Variants in AP5M1 observed in about 807,000 individuals in gnomAD.
AP5M1 encodes the protein AP-5 complex subunit mu-1.
AP5M1 carries 44 observed loss-of-function variants against 52.3 expected under a neutral mutation model. That is an observed-to-expected ratio of 0.84 (90% CI 0.66 to 1.08). The LOEUF (loss-of-function observed/expected upper bound fraction) is 1.08. Among genes scored for constraint, AP5M1 ranks in the 50% least tolerant of loss-of-function variants. The pLI is 0.00. For synonymous variants in AP5M1, 213 were observed against 199.0 expected, an observed-to-expected ratio of 1.07 and a Z score of -0.59; for missense variants, 526 against 568.4, an observed-to-expected ratio of 0.93 and a Z score of 0.76.
rs1031371789 is a variant in AP5M1, at chr14:57,297,565, T to G, written c.*8681T>G. On this transcript the variant is annotated 3_prime_UTR_variant, in exon 8 of 8. Transcript: ENST00000261558. ...GGAAAACATTCTTAGCCTTGTTTAT[T>G]TTGAATGTATGTGTGTGTGTGTGCA... 8 of 152,074 alleles carry G rather than the reference T, an allele frequency of 5.3e-5. No homozygotes were observed. The highest frequency in any genetic ancestry group is 1.9e-4 in the African/African-American group (8 of 41,388). 9.4% of individuals were successfully genotyped at this position (152,074 alleles called of 1,614,324 possible). A position where few individuals can be genotyped will look rare whatever the true frequency, so the allele number is the denominator to read the frequency against.
At chr14:57,288,289 G>T (rs1594709056) in intron 7 of AP5M1, among the ~76,000 whole-genome samples, 1 of 151,772 alleles carries the variant, frequency 6.6e-6, no homozygotes, top group Admixed American at 6.6e-5. Context: ...TGCCATTTTT[G>T]TAGAGTTTCA....
chr14:57,282,832 T>C (rs1885215459), intron 4 of AP5M1, 102 bp from the exon 5 acceptor site: 2 of 661,704 alleles, frequency 3.0e-6, no homozygotes, highest in Admixed American at 5.9e-5. Context: ...GATCTGCTTT[T>C]ATGCTGTCCT....
At chr14:57,275,048 T>G in intron 2 of AP5M1, 159 bp downstream of exon 2, 1 of 730,776 alleles carries the variant, frequency 1.4e-6, no homozygotes, top group Non-Finnish European at 2.2e-6. Context: ...CTTTTTGCAT[T>G]CCTTACCAAT....
At chr14:57,278,133 C>G (rs1160409038) in intron 2 of AP5M1, among the ~76,000 whole-genome samples, 1 of 152,106 alleles carries the variant, frequency 6.6e-6, no homozygotes, top group Non-Finnish European at 1.5e-5. Context: ...TACACAAATA[C>G]AAGTAAAGTA....
intron 2 of AP5M1, chr14:57,278,382 GA>G (rs1334789586): frequency 6.6e-6 from 1 of 152,204 alleles, no homozygotes; most frequent in African/African-American, 2.4e-5. Context: ...CCTCACAGTG[GA>G]AATTCAAGGA....
At position 57,294,832 on chromosome 14, in the gene AP5M1, C is replaced by T; in HGVS notation, c.*5948C>T. The stretch of plus-strand genomic sequence containing the variant: ...GAGTAAGCCTTGCTTTTTCAACATG[C>T]ATCATGTAAAATTACATGAAAGAAA... On this transcript the variant is annotated 3_prime_UTR_variant, in exon 8 of 8. Transcript: ENST00000261558. The T allele has an allele frequency of 6.6e-6, 1 of 151,906 alleles. No individual in the cohort carries two copies. The highest frequency in any genetic ancestry group is 1.9e-4 in the East Asian group (1 of 5,194). 9.4% of individuals were successfully genotyped at this position (151,906 alleles called of 1,614,324 possible). A position where few individuals can be genotyped will look rare whatever the true frequency, so the allele number is the denominator to read the frequency against.
chr14:57,270,193 CA>C (rs1160853337), intron 1 of AP5M1, among the ~76,000 whole-genome samples: 1 of 152,028 alleles, frequency 6.6e-6, no homozygotes, highest in Non-Finnish European at 1.5e-5. Flanking sequence ...AATAGAAACA[CA>C]AAAAAATGTA....
intron 6 of AP5M1, among the ~76,000 whole-genome samples, chr14:57,285,644 C>T (rs1594707313): frequency 6.6e-6 from 1 of 152,158 alleles, no homozygotes; most frequent in Admixed American, 6.5e-5. Context: ...GGAAAATTAG[C>T]GCAGCTCATT....
chr14:57,277,451 AT>A (rs1204352046), intron 2 of AP5M1, among the ~76,000 whole-genome samples: 3 of 152,154 alleles, frequency 2.0e-5, no homozygotes, highest in Non-Finnish European at 4.4e-5. Context: ...ACTACTTTTC[AT>A]TTATTCTTAT....
At chr14:57,283,634 G>A (rs1349743541) in intron 6 of AP5M1, among the ~76,000 whole-genome samples, 1 of 152,014 alleles carries the variant, frequency 6.6e-6, no homozygotes, top group East Asian at 1.9e-4. Flanking sequence ...GTTTTTAAAC[G>A]GAACCAGCTA....
In AP5M1 at chr14:57,269,285, G is replaced by T; in HGVS notation, c.-30G>T. On this transcript the variant is annotated 5_prime_UTR_variant, in exon 1 of 8. An upstream start codon of the reference 5' UTR is lost. Coordinates refer to ENST00000261558, the MANE Select transcript of AP5M1 (RefSeq NM_018229.4). Reference sequence around the variant, plus strand: ...GTTCCTCGGTGGCGACCTTAATTATGAGATGAGCTAATGCTTTACTGACTT... The same window carrying T: ...GTTCCTCGGTGGCGACCTTAATTATTAGATGAGCTAATGCTTTACTGACTT... 1 of 1,610,884 alleles carries T rather than the reference G, an allele frequency of 6.2e-7. No homozygotes were observed. The highest frequency in any genetic ancestry group is 8.5e-7 in the Non-Finnish European group (1 of 1,177,736).
intron 1 of AP5M1, among the ~76,000 whole-genome samples, chr14:57,272,322 G>A (rs1283382242): frequency 6.6e-6 from 1 of 152,140 alleles, no homozygotes; most frequent in Non-Finnish European, 1.5e-5. Context: ...CTTTATAAGT[G>A]TCAATAAGTG....
chr14:57,282,487 G>A (rs1189902), intron 4 of AP5M1, among the ~76,000 whole-genome samples: 28,729 of 151,942 alleles, frequency 0.19, 6,057 homozygotes, highest in African/African-American at 0.53. Flanking sequence ...TTTTTCTACC[G>A]GATTTATTTC....
intron 6 of AP5M1, among the ~76,000 whole-genome samples, chr14:57,284,200 T>G (rs1430762350): frequency 6.6e-6 from 1 of 152,118 alleles, no homozygotes; most frequent in Non-Finnish European, 1.5e-5. Flanking sequence ...ATATGAAGAC[T>G]TGAAGATTGA....
In AP5M1 at chr14:57,297,010, G is replaced by A. The variant is rs1885566992; in HGVS notation, c.*8126G>A. 6.6e-6 allele frequency: 1 copy of A among 152,052 alleles called. No homozygotes were observed. The highest frequency in any genetic ancestry group is 2.1e-4 in the South Asian group (1 of 4,820). The allele number at this position is 152,052 out of a possible 1,614,324, so 9.4% of individuals were successfully genotyped here. On this transcript the variant is annotated 3_prime_UTR_variant, in exon 8 of 8. Transcript: ENST00000261558. ...AGCCAGTTAAAGGGCACACCGTGGG[G>A]GCAGCATATCTCCATGGGTCTATCT...
chr14:57,292,719 A>T lies in AP5M1; in HGVS notation c.*3835A>T, dbSNP rs1482074124. ...AGCAGTGGCTACAACTTAGACTGAG[A>T]AAATGCTTCTGTTTTATTAAGCTGC... On this transcript the variant is annotated 3_prime_UTR_variant, in exon 8 of 8. Transcript: ENST00000261558. 1 of 151,750 alleles carries T rather than the reference A, an allele frequency of 6.6e-6. No homozygotes were observed. The highest frequency in any genetic ancestry group is 1.5e-5 in the Non-Finnish European group (1 of 67,796). The allele number at this position is 151,750 out of a possible 1,614,324, so 9.4% of individuals were successfully genotyped here. A position where few individuals can be genotyped will look rare whatever the true frequency, so the allele number is the denominator to read the frequency against.
At chr14:57,271,135 G>C (rs1237641607) in intron 1 of AP5M1, 1 of 152,170 alleles carries the variant, frequency 6.6e-6, no homozygotes, top group Non-Finnish European at 1.5e-5. Flanking sequence ...TGCAAATCTA[G>C]GCCATTGTTT....
chr14:57,291,748 C>T lies in AP5M1; in HGVS notation c.*2864C>T, dbSNP rs1467890276. ...TTGTATGATTTAAGATCTTTCAAGG[C>T]AGACATTTATACTTGGTAACAATTG... is the stretch of plus-strand genomic sequence containing the variant. On this transcript the variant is annotated 3_prime_UTR_variant, in exon 8 of 8. Transcript: ENST00000261558. The T allele has an allele frequency of 1.3e-5, 2 of 151,748 alleles. No individual in the cohort carries two copies. Among genetic ancestry groups the T allele is most frequent in the Admixed American group, 1.3e-4 (2 of 15,190 alleles). The allele number at this position is 151,748 out of a possible 1,614,324, so 9.4% of individuals were successfully genotyped here.
chr14:57,296,375 A>C lies in AP5M1; in HGVS notation c.*7491A>C, dbSNP rs1466568073. 1 of 152,086 alleles carries C rather than the reference A, an allele frequency of 6.6e-6. No homozygotes were observed. Among genetic ancestry groups the C allele is most frequent in the African/African-American group, 2.4e-5 (1 of 41,448 alleles). The allele number at this position is 152,086 out of a possible 1,614,324, so 9.4% of individuals were successfully genotyped here. On this transcript the variant is annotated 3_prime_UTR_variant, in exon 8 of 8. Coordinates refer to ENST00000261558, the MANE Select transcript of AP5M1 (RefSeq NM_018229.4). ...GATTACCCCTTGCTAAAGGCTCTTA[A>C]GAAACTGTTAGCCTGTTACTTTATT...
Sources: allele counts gnomAD v4.1 joint callset (sites outside exome capture counted in the v4.1 genomes callset), GRCh38; gene constraint gnomAD v4.1.1; transcripts MANE v1.5; gene names NCBI Gene and HGNC (gene_info 2026-07-23, HGNC 2026-07-21).